PCDHA7: variants seen among roughly 807,000 people sequenced by gnomAD.
The protein encoded by PCDHA7 is protocadherin alpha 7.
Under a neutral mutation model 57.2 loss-of-function variants are expected in PCDHA7, and 37 were observed. The ratio of observed to expected loss-of-function variants is 0.65; its 90% CI spans 0.50 to 0.85. The LOEUF (loss-of-function observed/expected upper bound fraction) is 0.85, where lower values mean the gene tolerates loss of function less well. Ranked by LOEUF, PCDHA7 falls within the 40% of genes least tolerant of loss-of-function variation. The probability of loss-of-function intolerance (pLI) is 0.00; values close to 1 mark genes in which losing one functional copy is unlikely to be tolerated. For synonymous variants in PCDHA7, 553 were observed against 558.8 expected, an observed-to-expected ratio of 0.99 and a Z score of 0.15; for missense variants, 1,188 against 1,241.8, an observed-to-expected ratio of 0.96 and a Z score of 0.65.
rs782644238 is a variant in PCDHA7 at position 140,883,107 on chromosome 5, C to A, written c.2355+46369C>A. ...GGTACAAATGGAGATATAGTTTACT[C>A]ATTTAGAAGGCCTGTATGGCCTGCA... On this transcript the variant is annotated intron_variant, in intron 1 of 3. Transcript: ENST00000525929. 15 of 1,614,064 alleles carry A rather than the reference C, an allele frequency of 9.3e-6. No homozygotes were observed. The East Asian group carries it at 3.1e-4, about 34-fold the overall frequency.
chr5:140,968,363 G>T (rs1448494733), intron 1 of PCDHA7: 1 of 1,614,090 alleles, frequency 6.2e-7, no homozygotes, highest in East Asian at 2.2e-5. Context: ...CAGCCTTTAT[G>T]CTGTCAACTC....
At chr5:140,895,863 G>A (rs1450764434) in intron 1 of PCDHA7, among the ~76,000 whole-genome samples, 3 of 152,162 alleles carry the variant, frequency 2.0e-5, no homozygotes, top group African/African-American at 7.2e-5. Flanking sequence ...CCAGGCTGGA[G>A]TGCAATGGCG....
At chr5:140,875,228 T>C in intron 1 of PCDHA7, 5 of 832,094 alleles carry the variant, frequency 6.0e-6, no homozygotes, top group Non-Finnish European at 8.6e-6. Flanking sequence ...CTCAGGATCT[T>C]TCTTGTACTT....
At chr5:140,881,399 T>A in intron 1 of PCDHA7, 1 of 975,578 alleles carries the variant, frequency 1.0e-6, no homozygotes, top group Non-Finnish European at 1.2e-6. Flanking sequence ...TTAAATTCTA[T>A]TAAATCAATA....
chr5:140,989,019 T>C (rs1429425323), intron 3 of PCDHA7: 1 of 152,238 alleles, frequency 6.6e-6, no homozygotes, highest in East Asian at 1.9e-4. Context: ...TATAGTTTCT[T>C]CAGTTATCAT....
At chr5:140,842,777 G>T (rs2150343988) in intron 1 of PCDHA7, 1 of 1,594,618 alleles carries the variant, frequency 6.3e-7, no homozygotes, top group Non-Finnish European at 8.6e-7. Flanking sequence ...GGACGCGCAG[G>T]AGAACGCGCT....
chr5:140,854,582 T>TA (rs757658134), intron 1 of PCDHA7: 9 of 149,824 alleles, frequency 6.0e-5, no homozygotes, highest in Non-Finnish European at 1.0e-4. Context: ...CAGATTTTAA[T>TA]AAAAAAAGTT....
chr5:140,884,312 G>T, intron 1 of PCDHA7: 1 of 1,613,768 alleles, frequency 6.2e-7, no homozygotes, highest in Non-Finnish European at 8.5e-7. Flanking sequence ...TTCGTCGAGG[G>T]CGTCGGCAGG....
chr5:140,978,188 C>A (rs1480380395), intron 1 of PCDHA7, among the ~76,000 whole-genome samples: 2 of 152,176 alleles, frequency 1.3e-5, no homozygotes, highest in Non-Finnish European at 2.9e-5. Context: ...GGCAACAGAT[C>A]TTTTCAATAC....
chr5:140,947,569 A>G (rs2094145868), intron 1 of PCDHA7, among the ~76,000 whole-genome samples: 1 of 151,666 alleles, frequency 6.6e-6, no homozygotes. Flanking sequence ...TATATTGGGA[A>G]TGTTTTTAAC....
intron 1 of PCDHA7, chr5:140,850,404 C>G: frequency 6.3e-7 from 1 of 1,597,970 alleles, no homozygotes; most frequent in Non-Finnish European, 8.6e-7. Context: ...AACGCGTGCC[C>G]TGGACGAAAC....
chr5:140,895,309 C>A (rs1327911944), intron 1 of PCDHA7, among the ~76,000 whole-genome samples: 1 of 152,124 alleles, frequency 6.6e-6, no homozygotes, highest in African/African-American at 2.4e-5. Context: ...CCCCCTTCCA[C>A]CCATGACTAT....
rs1219590569 is a variant in PCDHA7, at chr5:140,835,123, A to G, written c.740A>G (p.Tyr247Cys). 4 of 1,326,346 alleles carry G rather than the reference A, an allele frequency of 3.0e-6. No homozygotes were observed. In the African/African-American group the frequency reaches 4.8e-5, roughly 16 times the overall value. The allele number at this position is 1,326,346 out of a possible 1,614,324, so 82.2% of individuals were successfully genotyped here. ...GCCCCAGTGTTCGACAGAACCCTGT[A>G]TACGGTGAAATTACCAGAAAACGTT... is the stretch of plus-strand genomic sequence containing the variant. Reference protein sequence around the residue: ...DNAPVFDRTLYTVKLPENVSI... With the variant: ...DNAPVFDRTLCTVKLPENVSI... Residue 247 changes from tyrosine (Y) to cysteine (C), a missense_variant, in exon 1 of 4, where the codon TAT becomes TGT. Coordinates refer to ENST00000525929, the MANE Select transcript of PCDHA7 (RefSeq NM_018910.3).
rs2150220427 is a variant in PCDHA7 at position 140,834,530 on chromosome 5, G to T, written c.147G>T (p.Ala49=). 6.8e-6 allele frequency: 11 copies of T among 1,614,068 alleles called. No individual in the cohort carries two copies. In the South Asian group the frequency reaches 1.1e-4, roughly 16 times the overall value. ...ATGGCAACTTCGTGGGCCGCATCGC[G>T]CAGGACCTGGGGCTGGAGCTGGCGG... is the stretch of plus-strand genomic sequence containing the variant. The part of the protein sequence containing the change: ...AKHGNFVGRI[A]QDLGLELAEL... The change falls in exon 1 of 4, where the codon GCG becomes GCT. Residue 49 remains alanine, a synonymous_variant. Coordinates refer to ENST00000525929, the MANE Select transcript of PCDHA7 (RefSeq NM_018910.3).
chr5:140,881,453 C>T (rs554262236), intron 1 of PCDHA7: 48 of 714,052 alleles, frequency 6.7e-5, no homozygotes, highest in Admixed American at 6.2e-5. Context: ...GAATCCAAAA[C>T]CTTAGAGCAT....
At chr5:140,907,873 CACTCA>C (rs2073658134) in intron 1 of PCDHA7, among the ~76,000 whole-genome samples, 1 of 152,226 alleles carries the variant, frequency 6.6e-6, no homozygotes, top group Non-Finnish European at 1.5e-5. Context: ...CGTTGGTGAG[CACTCA>C]CATGGGATAC....
intron 1 of PCDHA7, chr5:140,884,185 G>T (rs1554181312): frequency 6.2e-7 from 1 of 1,613,444 alleles, no homozygotes. Context: ...CTCTGGACGA[G>T]GTGGACGCGC....
intron 1 of PCDHA7, among the ~76,000 whole-genome samples, chr5:140,977,512 G>GAAACTTGA: frequency 3.9e-5 from 6 of 152,278 alleles, no homozygotes; most frequent in Admixed American, 3.9e-4. Context: ...AGCATTTTGT[G>GAAACTTGA]AACTTGAAAA....
At chr5:141,006,238 G>T (rs1298883912) in intron 3 of PCDHA7, among the ~76,000 whole-genome samples, 1 of 151,428 alleles carries the variant, frequency 6.6e-6, no homozygotes, top group East Asian at 1.9e-4. Flanking sequence ...TTTAGATGGA[G>T]TCTTGCTCTG....
Sources: allele counts gnomAD v4.1 joint callset (sites outside exome capture counted in the v4.1 genomes callset), GRCh38; gene constraint gnomAD v4.1.1; transcripts MANE v1.5; gene names NCBI Gene and HGNC (gene_info 2026-07-23, HGNC 2026-07-21).